NCAN: variants seen among roughly 807,000 people sequenced by gnomAD.
NCAN encodes the protein neurocan, also known as neurocan core protein.
A neutral mutation model predicts 121.8 loss-of-function variants in NCAN; 47 were observed. The observed-to-expected ratio is 0.39, with a 90% confidence interval of 0.31 to 0.49. The LOEUF (loss-of-function observed/expected upper bound fraction) is 0.49, where lower values mean the gene tolerates loss of function less well. Among genes scored for constraint, NCAN ranks in the 20% least tolerant of loss-of-function variants. The probability of loss-of-function intolerance (pLI) is 0.92; values close to 1 mark genes in which losing one functional copy is unlikely to be tolerated. For synonymous variants in NCAN, 633 were observed against 702.0 expected, an observed-to-expected ratio of 0.90 and a Z score of 1.55; for missense variants, 1,517 against 1,773.4, an observed-to-expected ratio of 0.86 and a Z score of 2.60.
intron 8 of NCAN, among the ~76,000 whole-genome samples, chr19:19,229,252 T>A (rs2060849635): frequency 6.6e-6 from 1 of 151,928 alleles, no homozygotes; most frequent in Non-Finnish European, 1.5e-5. Context: ...AGGCATTGAG[T>A]AGAGTCTGAT....
rs141699254 is a variant in NCAN, at chr19:19,250,290, C to G, written c.*379C>G. The G allele has an allele frequency of 5.0e-4, 196 of 390,756 alleles. 1 individual carries two copies. The highest frequency in any genetic ancestry group is 3.9e-3 in the African/African-American group (187 of 48,016). 24.2% of individuals were successfully genotyped at this position (390,756 alleles called of 1,614,324 possible). A position where few individuals can be genotyped will look rare whatever the true frequency, so the allele number is the denominator to read the frequency against. ...TCACATGAAGGAATTGCTTTTCACA[C>G]CAGAAATTCAGACTTAGTCAATGTT... is the stretch of plus-strand genomic sequence containing the variant. On this transcript the variant is annotated 3_prime_UTR_variant, in exon 15 of 15. Transcript: ENST00000252575.
rs576130196 is a variant in NCAN, at chr19:19,233,652, C to A, written c.3020-137C>A. On this transcript the variant is annotated intron_variant, in intron 8 of 14. Coordinates refer to ENST00000252575, the MANE Select transcript of NCAN (RefSeq NM_004386.3). ...GGTCATATGGGAGGGAGTTGGTGAC[C>A]GCTGGTTGGGGAAGTTATAAAGAGG... 1.6e-5 allele frequency: 10 copies of A among 617,902 alleles called. No individual in the cohort carries two copies. The African/African-American group carries it at 1.6e-4, about 10-fold the overall frequency. The allele number at this position is 617,902 out of a possible 1,614,324, so 38.3% of individuals were successfully genotyped here. A position where few individuals can be genotyped will look rare whatever the true frequency, so the allele number is the denominator to read the frequency against.
chr19:19,219,438 T>A, intron 3 of NCAN, 122 bp downstream of exon 3: 1 of 1,094,964 alleles, frequency 9.1e-7, no homozygotes, highest in Non-Finnish European at 1.3e-6. Context: ...CTCATGCCTG[T>A]AATCCCAGCA....
intron 3 of NCAN, among the ~76,000 whole-genome samples, chr19:19,219,657 A>C (rs2060808902): frequency 9.3e-6 from 1 of 108,078 alleles, no homozygotes; most frequent in Admixed American, 1.2e-4. Context: ...TGGATGACAG[A>C]GGGAGACCCT....
chr19:19,230,764 A>T, intron 8 of NCAN, among the ~76,000 whole-genome samples: 2 of 120,260 alleles, frequency 1.7e-5, no homozygotes, highest in South Asian at 2.5e-4. Context: ...GGTCTTGGTC[A>T]GTTGTTCAGG....
intron 8 of NCAN, among the ~76,000 whole-genome samples, chr19:19,230,822 G>T (rs1330242641): frequency 1.4e-5 from 2 of 147,420 alleles, no homozygotes; most frequent in Admixed American, 1.4e-4. Flanking sequence ...AGGCTCAAGT[G>T]ATCCTCCCAC....
chr19:19,245,531 G>T, intron 13 of NCAN, 74 bp downstream of exon 13: 1 of 1,534,202 alleles, frequency 6.5e-7, no homozygotes, highest in Admixed American at 1.9e-5. Context: ...AGGCTGGAGT[G>T]CAGTGGCATA....
In NCAN at chr19:19,228,597, C is replaced by G; in HGVS notation, c.2977C>G (p.Pro993Ala). The change falls in exon 8 of 15, where the codon CCA becomes GCA. Residue 993 changes from proline (P) to alanine (A), a missense_variant. Transcript: ENST00000252575. ...GGAGGAGGTGGCAAGTGGAGAGGAG[C>G]CAGCCCTGCCAGGGACCCCTATGAA... Reference protein sequence around the residue: ...FWEEVASGEEPALPGTPMNAG... With the variant: ...FWEEVASGEEAALPGTPMNAG... The G allele has an allele frequency of 6.2e-7, 1 of 1,612,574 alleles. No individual in the cohort carries two copies. Among genetic ancestry groups the G allele is most frequent in the Non-Finnish European group, 8.5e-7 (1 of 1,179,742 alleles).
chr19:19,226,694 G>A lies in NCAN; in HGVS notation c.1281G>A (p.Gln427=). 1.2e-6 allele frequency: 2 copies of A among 1,613,130 alleles called. No homozygotes were observed. Among genetic ancestry groups the A allele is most frequent in the African/African-American group, 2.7e-5 (2 of 75,054 alleles). Residue 427 remains glutamine, a synonymous_variant, in exon 7 of 15, where the codon CAG becomes CAA. Coordinates refer to ENST00000252575, the MANE Select transcript of NCAN (RefSeq NM_004386.3). ...TGGAGGAGAAGCAGGAGTCTCAACAGACCCTCAGCCCTACCCCTGGGGACC... is the reference window on the plus strand; with the variant it reads ...TGGAGGAGAAGCAGGAGTCTCAACAAACCCTCAGCCCTACCCCTGGGGACC... ...LILEEKQESQ[Q]TLSPTPGDPM... is the part of the protein sequence containing the mutation.
intron 9 of NCAN, 136 bp from the exon 10 acceptor site, chr19:19,234,847 G>T (rs2060875086): frequency 1.9e-6 from 1 of 519,650 alleles, no homozygotes; most frequent in South Asian, 3.1e-5. Context: ...TGGGCCATCT[G>T]TGCAAACTGT....
chr19:19,213,517 G>A (rs1407086109), intron 1 of NCAN, among the ~76,000 whole-genome samples: 1 of 140,674 alleles, frequency 7.1e-6, no homozygotes, highest in Non-Finnish European at 1.6e-5. Context: ...GGGGGGGGGG[G>A]GCCCGAGACT....
rs1187402294 is a variant in NCAN at position 19,250,349 on chromosome 19, C to T, written c.*438C>T. On this transcript the variant is annotated 3_prime_UTR_variant, in exon 15 of 15. Coordinates refer to ENST00000252575, the MANE Select transcript of NCAN (RefSeq NM_004386.3). ...TCCTAAATCCAGGAAGAAGCCTGGA[C>T]GTAGGGTCATTAGCTTTGGGAATAG... The T allele has an allele frequency of 2.5e-5, 9 of 362,888 alleles. No homozygotes were observed. Among genetic ancestry groups the T allele is most frequent in the South Asian group, 4.2e-5 (2 of 47,110 alleles). 22.5% of individuals were successfully genotyped at this position (362,888 alleles called of 1,614,324 possible).
rs1367748051 is a variant in NCAN, at chr19:19,233,814, C to A, written c.3045C>A (p.Asn1015Lys). Residue 1015 changes from asparagine to lysine, a missense_variant, in exon 9 of 15, where the codon AAC becomes AAA. Physicochemically the swap from Asn to Lys is moderately conservative, Grantham distance 94. Coordinates refer to ENST00000252575, the MANE Select transcript of NCAN (RefSeq NM_004386.3). The stretch of plus-strand genomic sequence containing the variant: ...TGCACTCAGATCCCTGTGAGAACAA[C>A]CCTTGTCTTCATGGAGGGACATGTA... ...EEVHSDPCEN[N>K]PCLHGGTCNA... The A allele has an allele frequency of 1.9e-6, 3 of 1,613,500 alleles. No homozygotes were observed. The highest frequency in any genetic ancestry group is 1.7e-5 in the Admixed American group (1 of 60,022).
At position 19,212,517 on chromosome 19, in the gene NCAN, G is replaced by A. The variant is rs1034725544; in HGVS notation, c.-8+453G>A. On this transcript the variant is annotated intron_variant, in intron 1 of 14. Transcript: ENST00000252575. The surrounding 1 kb of genome is among the most constrained non-coding windows in gnomAD (Gnocchi z 4.5). ...AATTTGCGGTTGAATGGAGGATTCC[G>A]GGCCGGACTGCAGTGGGGAGGGGGC... Among the ~76,000 whole-genome samples, 2 of 151,226 alleles carry A rather than the reference G, an allele frequency of 1.3e-5. No homozygotes were observed. Among genetic ancestry groups the A allele is most frequent in the African/African-American group, 4.9e-5 (2 of 40,960 alleles).
intron 8 of NCAN, among the ~76,000 whole-genome samples, chr19:19,229,653 G>A (rs770735261): frequency 2.0e-5 from 3 of 152,210 alleles, no homozygotes; most frequent in Non-Finnish European, 2.9e-5. Flanking sequence ...GGCCAGCAGC[G>A]TCCATAGAAA....
At chr19:19,226,446 C>A (rs369240961) in intron 6 of NCAN, 40 bp from the exon 7 acceptor site, 7 of 1,473,150 alleles carry the variant, frequency 4.8e-6, no homozygotes, top group African/African-American at 2.8e-5. Flanking sequence ...TCCCAGGCAA[C>A]CCCTGGGCCT....
Position 19,238,450 on chromosome 19 carries a change from G to C in NCAN, c.3409+39G>C, listed in dbSNP as rs762088125. 7 of 1,612,562 alleles carry C rather than the reference G, an allele frequency of 4.3e-6. No homozygotes were observed. In the African/African-American group the frequency reaches 9.3e-5, roughly 22 times the overall value. ...GGAGGGGGCCACCTGCCTGGAGGGTGGGCAGGGGTGGCACTTGTAGCCCTT... is the reference window on the plus strand; with the variant it reads ...GGAGGGGGCCACCTGCCTGGAGGGTCGGCAGGGGTGGCACTTGTAGCCCTT... On this transcript the variant is annotated intron_variant, in intron 11 of 14. Transcript: ENST00000252575.
chr19:19,227,838 C>A lies in NCAN; in HGVS notation c.2218C>A (p.Pro740Thr). The change falls in exon 8 of 15, where the codon CCC becomes ACC. Residue 740 changes from proline (P) to threonine (T), a missense_variant. Coordinates refer to ENST00000252575, the MANE Select transcript of NCAN (RefSeq NM_004386.3). This position sits in a 1 kb window ranked among gnomAD's most constrained non-coding sequence, Gnocchi z 4.2. Reference protein sequence around the residue: ...VNRNVAVGFVPTETATEPTGL... With the variant: ...VNRNVAVGFVTTETATEPTGL... ...CAGGAATGTGGCTGTAGGTTTTGTC[C>A]CCACTGAGACTGCCACTGAGCCAAC... 1 of 1,613,614 alleles carries A rather than the reference C, an allele frequency of 6.2e-7. No homozygotes were observed. Among genetic ancestry groups the A allele is most frequent in the Non-Finnish European group, 8.5e-7 (1 of 1,179,994 alleles).
intron 5 of NCAN, 40 bp downstream of exon 5, chr19:19,224,473 C>G: frequency 6.3e-7 from 1 of 1,598,678 alleles, no homozygotes; most frequent in African/African-American, 1.3e-5. Context: ...CTCCGCCTCT[C>G]TTTGAGTATC....
Sources: gnomAD v4.1 joint callset for allele counts (sites outside exome capture counted in the v4.1 genomes callset) on GRCh38, gnomAD v4.1.1 for gene constraint, Gnocchi (gnomAD v3.1) non-coding constraint, MANE v1.5 for transcripts, NCBI Gene and HGNC (gene_info 2026-07-23, HGNC 2026-07-21) for gene names.